The following NOL11 variants were observed in gnomAD, a reference collection of about 807,000 sequenced individuals.
NOL11 encodes the protein nucleolar protein 11.
In NOL11, 42 loss-of-function variants were observed where a neutral mutation model predicts 93.0. The observed-to-expected ratio is 0.45, with a 90% CI of 0.35 to 0.58. The LOEUF (loss-of-function observed/expected upper bound fraction) is 0.58, where lower values mean the gene tolerates loss of function less well. Among genes scored for constraint, NOL11 ranks in the 20% least tolerant of loss-of-function variants. NOL11 has a pLI of 0.00. For missense variants in NOL11, 775 were observed against 841.8 expected (o/e 0.92, Z 0.98); for synonymous variants, 296 against 293.7 (o/e 1.01, Z -0.08).
At chr17:67,732,784 G>A (rs1469174379) in intron 7 of NOL11, among the ~76,000 whole-genome samples, 3 of 151,256 alleles carry the variant, frequency 2.0e-5, no homozygotes, top group Admixed American at 6.6e-5. Flanking sequence ...GTGTTGCCCC[G>A]GCTGGTCTCC....
chr17:67,740,593 G>C (rs2055247017), intron 16 of NOL11: 3 of 139,266 alleles, frequency 2.2e-5, no homozygotes, highest in African/African-American at 5.3e-5. Flanking sequence ...TGGGCGACAA[G>C]AGTGATACTC....
intron 16 of NOL11, among the ~76,000 whole-genome samples, chr17:67,740,002 G>A (rs533373499): frequency 9.2e-5 from 14 of 152,194 alleles, no homozygotes; most frequent in South Asian, 2.1e-4. Flanking sequence ...TTGGGAGGCC[G>A]AGGCGGGAGG....
Position 67,726,557 on chromosome 17 carries a change from T to C in NOL11, c.762T>C (p.Val254=), listed in dbSNP as rs1430938126. Residue 254 remains valine (V), a synonymous_variant, in exon 7 of 18, where the codon GTT becomes GTC. Coordinates refer to ENST00000253247, the MANE Select transcript of NOL11 (RefSeq NM_015462.5). The part of the protein sequence containing the change: ...SLVKSLLLKA[V]VSGNARNGVA... ...TTAAATCACTGCTGCTCAAGGCTGTTGTATCTGGTAACGCTCGAAATGGAG... is the reference window on the plus strand; with the variant it reads ...TTAAATCACTGCTGCTCAAGGCTGTCGTATCTGGTAACGCTCGAAATGGAG... The C allele has an allele frequency of 1.9e-6, 3 of 1,614,050 alleles. No homozygotes were observed. In the African/African-American group the frequency reaches 4.0e-5, roughly 22 times the overall value.
intron 4 of NOL11, 110 bp from the exon 5 acceptor site, chr17:67,722,470 T>C (rs2043224448): frequency 2.1e-6 from 3 of 1,449,076 alleles, no homozygotes; most frequent in African/African-American, 2.9e-5. Context: ...CTGATGTCTT[T>C]CTGGTTCTAA....
rs149707060 is a variant in NOL11, at chr17:67,741,133, G to A, written c.1935+1525G>A. Among the ~76,000 whole-genome samples, 263 of 152,156 alleles carry A rather than the reference G, an allele frequency of 1.7e-3. 1 individual carries two copies. Among genetic ancestry groups the A allele is most frequent in the African/African-American group, 5.8e-3 (241 of 41,524 alleles). The stretch of plus-strand genomic sequence containing the variant: ...CTCCCAGGCTAGAATGCAGTGGCAC[G>A]ATCTCGGCTCACTGCAACCTCCGCC... On this transcript the variant is annotated intron_variant, in intron 16 of 17. Coordinates refer to ENST00000253247, the MANE Select transcript of NOL11 (RefSeq NM_015462.5).
At position 67,739,506 on chromosome 17, in the gene NOL11, T is replaced by C. The variant is rs775918073; in HGVS notation, c.1843-10T>C. Reference sequence around the variant, plus strand: ...AAAATGATAAACTATCCATTTTTTTTCCCACCCAGCTGTTTCTTAAGTATT... The same window carrying C: ...AAAATGATAAACTATCCATTTTTTTCCCCACCCAGCTGTTTCTTAAGTATT... On this transcript the variant is annotated splice_polypyrimidine_tract_variant and intron_variant, in intron 15 of 17. Transcript: ENST00000253247. 7.2e-6 allele frequency: 11 copies of C among 1,531,792 alleles called. No homozygotes were observed. The highest frequency in any genetic ancestry group is 6.9e-5 in the East Asian group (3 of 43,504). 94.9% of individuals were successfully genotyped at this position (1,531,792 alleles called of 1,614,324 possible).
At chr17:67,734,929 A>C (rs1478702026) in intron 8 of NOL11, among the ~76,000 whole-genome samples, 1 of 152,112 alleles carries the variant, frequency 6.6e-6, no homozygotes, top group Admixed American at 6.6e-5. Context: ...CAAAATTCTA[A>C]ATTTTTGCCA....
chr17:67,726,423 C>A lies in NOL11; in HGVS notation c.665-37C>A, dbSNP rs562904666. 117 of 1,518,734 alleles carry A rather than the reference C, an allele frequency of 7.7e-5. 1 individual carries two copies. In the South Asian group the frequency reaches 1.3e-3, roughly 17 times the overall value. 94.1% of individuals were successfully genotyped at this position (1,518,734 alleles called of 1,614,324 possible). On this transcript the variant is annotated intron_variant, in intron 6 of 17. Transcript: ENST00000253247. ...TTAACTGTAATAGATATAGAAGTAT[C>A]CTTCAATAACCAACAACAAATGCTT...
Position 67,719,917 on chromosome 17 carries a change from A to G in NOL11, c.267A>G (p.Ile89Met), listed in dbSNP as rs1227916369. ...TGTTTTGATTTAAGGTTTTAAGAAT[A>G]TGGAATAATGAAGATGTAAACCTGG... ...VVVHDNKVLRIWNNEDVNLDK... is the reference protein window; with the variant it reads ...VVVHDNKVLRMWNNEDVNLDK... The change falls in exon 3 of 18, where the codon ATA becomes ATG. Residue 89 changes from isoleucine (I) to methionine (M), a missense_variant. Physicochemically the swap from Ile to Met is conservative, Grantham distance 10 (BLOSUM62 1). Coordinates refer to ENST00000253247, the MANE Select transcript of NOL11 (RefSeq NM_015462.5). The G allele has an allele frequency of 2.5e-6, 4 of 1,572,190 alleles. No homozygotes were observed. In the South Asian group the frequency reaches 3.5e-5, roughly 14 times the overall value.
intron 7 of NOL11, among the ~76,000 whole-genome samples, chr17:67,728,409 T>C (rs1320029140): frequency 6.6e-6 from 1 of 152,196 alleles, no homozygotes; most frequent in Non-Finnish European, 1.5e-5. Flanking sequence ...AACTGAGGTA[T>C]GAGGTAACTA....
intron 6 of NOL11, 40 bp from the exon 7 acceptor site, chr17:67,726,420 T>A (rs759761570): frequency 5.3e-6 from 8 of 1,500,616 alleles, no homozygotes; most frequent in Non-Finnish European, 7.3e-6. Flanking sequence ...GATATAGAAG[T>A]ATCCTTCAAT....
chr17:67,741,479 C>G lies in NOL11; in HGVS notation c.1935+1871C>G, dbSNP rs568864195. On this transcript the variant is annotated intron_variant, in intron 16 of 17. Coordinates refer to ENST00000253247, the MANE Select transcript of NOL11 (RefSeq NM_015462.5). ...AAGTGATCTTCCTGTCTTGGCCTCC[C>G]AAAGCATGTGGATTACAGGCATGAG... is the stretch of plus-strand genomic sequence containing the variant. Among the ~76,000 whole-genome samples the G allele has an allele frequency of 2.6e-5, 4 of 152,126 alleles. No homozygotes were observed. In the East Asian group the frequency reaches 7.7e-4, roughly 29 times the overall value.
chr17:67,733,610 G>A (rs547758604), intron 7 of NOL11, among the ~76,000 whole-genome samples: 5 of 152,118 alleles, frequency 3.3e-5, no homozygotes, highest in Non-Finnish European at 7.4e-5. Context: ...TTGAGTGATG[G>A]TAATTGTGGG....
rs111272662 is a variant in NOL11 at position 67,727,645 on chromosome 17, G to A, written c.853+997G>A. Among the ~76,000 whole-genome samples, 878 of 149,930 alleles carry A rather than the reference G, an allele frequency of 5.9e-3. 9 individuals carry two copies. The highest frequency in any genetic ancestry group is 0.023 in the East Asian group (119 of 5,070). ...GCACTCCAGCCTGGGCAACAAGAGC[G>A]AAACTCCGTCTCAAAAAAAAAAAAG... On this transcript the variant is annotated intron_variant, in intron 7 of 17. Transcript: ENST00000253247.
intron 10 of NOL11, 107 bp downstream of exon 10, chr17:67,736,861 A>C: frequency 1.1e-6 from 1 of 881,446 alleles, no homozygotes; most frequent in Non-Finnish European, 1.8e-6. Context: ...AGCTTTGACT[A>C]TAATGACAGG....
In NOL11 at chr17:67,724,130, A is replaced by C. The variant is rs2055064018; in HGVS notation, c.601A>C (p.Asn201His). 1 of 1,595,496 alleles carries C rather than the reference A, an allele frequency of 6.3e-7. No individual in the cohort carries two copies. Residue 201 changes from asparagine to histidine, a missense_variant, in exon 6 of 18, where the codon AAC becomes CAC. By Grantham distance (68) the Asn-to-His change is moderately conservative. Coordinates refer to ENST00000253247, the MANE Select transcript of NOL11 (RefSeq NM_015462.5). ...TACACTCTTACTTGGACAAGACGAA[A>C]ACTCTGTTATAAAGAGTTTTACTGC... is the stretch of plus-strand genomic sequence containing the variant. ...KYTLLLGQDE[N>H]SVIKSFTASV...
chr17:67,738,908 G>A (rs2055228953), intron 14 of NOL11, 24 bp from the exon 15 acceptor site: 2 of 1,471,300 alleles, frequency 1.4e-6, no homozygotes, highest in South Asian at 1.2e-5. Context: ...ATTTGTTGAA[G>A]TACGATTTTC....
In NOL11 at chr17:67,718,031, C is replaced by T. The variant is rs752983853; in HGVS notation, c.84C>T (p.Ser28=). The change falls in exon 1 of 18, where the codon AGC becomes AGT. Residue 28 remains serine, a synonymous_variant. Transcript: ENST00000253247. The stretch of plus-strand genomic sequence containing the variant: ...AAGGACTCCTAGGCGTGGAGCAGAG[C>T]GACAAAACAGACCAGTTTCTAGTGA... ...GPEGLLGVEQ[S]DKTDQFLVTD... 8 of 1,614,206 alleles carry T rather than the reference C, an allele frequency of 5.0e-6. No individual in the cohort carries two copies. Among genetic ancestry groups the T allele is most frequent in the Non-Finnish European group, 6.8e-6 (8 of 1,180,038 alleles).
chr17:67,726,583 T>C lies in NOL11; in HGVS notation c.788T>C (p.Val263Ala). The change falls in exon 7 of 18, where the codon GTT (valine) becomes GCT (alanine). Residue 263 changes from valine to alanine, a missense_variant. Around this residue, in one of 2 missense-constraint regions of NOL11, gnomAD observed 359 missense variants for 316.5 expected, o/e 1.13. Transcript: ENST00000253247. ...GTATCTGGTAACGCTCGAAATGGAG[T>C]TGCACTCACTGCCCTGGATCAGGAT... ...AVVSGNARNGVALTALDQDHV... is the reference protein window; with the variant it reads ...AVVSGNARNGAALTALDQDHV... 1 of 1,613,950 alleles carries C rather than the reference T, an allele frequency of 6.2e-7. No individual in the cohort carries two copies. The highest frequency in any genetic ancestry group is 8.5e-7 in the Non-Finnish European group (1 of 1,179,990).
Sources: allele counts gnomAD v4.1 joint callset (sites outside exome capture counted in the v4.1 genomes callset), GRCh38; gene constraint gnomAD v4.1.1; regional missense constraint gnomAD v4.1.1; transcripts MANE v1.5; gene names NCBI Gene and HGNC (gene_info 2026-07-23, HGNC 2026-07-21).